Variants in BABAM2 observed in about 807,000 individuals in gnomAD.
BABAM2 encodes the protein BRISC and BRCA1 A complex member 2.
Under a neutral mutation model 54.7 loss-of-function variants are expected in BABAM2, and 31 were observed. The ratio of observed to expected loss-of-function variants is 0.57; its 90% CI spans 0.43 to 0.77. BABAM2 has a LOEUF of 0.77. Among genes scored for constraint, BABAM2 ranks in the 30% least tolerant of loss-of-function variants. BABAM2 has a pLI of 0.00. For synonymous variants in BABAM2, 167 were observed against 162.9 expected (o/e 1.03, Z -0.19); for missense variants, 364 against 455.8 (o/e 0.80, Z 1.83).
At chr2:28,139,651 G>A (rs1670875245) in intron 7 of BABAM2, among the ~76,000 whole-genome samples, 1 of 152,198 alleles carries the variant, frequency 6.6e-6, no homozygotes, top group Non-Finnish European at 1.5e-5. Flanking sequence ...AGGTTATCCA[G>A]TTAGCCATAT....
chr2:28,261,268 A>T (rs1177393980), intron 10 of BABAM2, among the ~76,000 whole-genome samples: 2 of 151,858 alleles, frequency 1.3e-5, no homozygotes, highest in Admixed American at 6.6e-5. Flanking sequence ...CAAATTGCTA[A>T]TTGTTAATAT....
intron 3 of BABAM2, among the ~76,000 whole-genome samples, chr2:27,983,617 C>A (rs1364835642): frequency 6.6e-6 from 1 of 151,892 alleles, no homozygotes; most frequent in Non-Finnish European, 1.5e-5. Context: ...TTTATTTAGG[C>A]CTTTTTTAAT....
At chr2:28,152,395 C>T (rs1303657426) in intron 7 of BABAM2, among the ~76,000 whole-genome samples, 1 of 152,194 alleles carries the variant, frequency 6.6e-6, no homozygotes, top group Non-Finnish European at 1.5e-5. Flanking sequence ...TCAACCCTTT[C>T]CCAGGGAAGA....
intron 4 of BABAM2, among the ~76,000 whole-genome samples, chr2:28,024,338 G>C (rs1277416889): frequency 6.6e-6 from 1 of 151,812 alleles, no homozygotes; most frequent in East Asian, 1.9e-4. Context: ...CCCGGGAGGC[G>C]GAGCTTGCAG....
chr2:27,989,529 A>G (rs1187779957), intron 4 of BABAM2, among the ~76,000 whole-genome samples: 1 of 152,206 alleles, frequency 6.6e-6, no homozygotes, highest in Non-Finnish European at 1.5e-5. Context: ...ATGTAAGTCA[A>G]TATAAGGAAG....
At chr2:28,075,454 G>T (rs1380454580) in intron 6 of BABAM2, among the ~76,000 whole-genome samples, 1 of 152,106 alleles carries the variant, frequency 6.6e-6, no homozygotes, top group East Asian at 1.9e-4. Context: ...GAATATTTGT[G>T]TTTAGGTAAG....
rs141463363 is a variant in BABAM2 at position 27,900,085 on chromosome 2, C to A, written c.128+5401C>A. ...ACAGAGTTAGGGAAAAGAATGGCTT[C>A]TTTTTGGTGTGTCACTTTTGGCATT... On this transcript the variant is annotated intron_variant, in intron 2 of 11. Coordinates refer to ENST00000379624, the MANE Select transcript of BABAM2 (RefSeq NM_199191.3). Among the ~76,000 whole-genome samples, 35 of 152,258 alleles carry A rather than the reference C, an allele frequency of 2.3e-4. No homozygotes were observed. In the East Asian group the frequency reaches 5.0e-3, roughly 22 times the overall value.
At chr2:28,092,575 T>G (rs1413390208) in intron 6 of BABAM2, among the ~76,000 whole-genome samples, 1 of 152,178 alleles carries the variant, frequency 6.6e-6, no homozygotes, top group Non-Finnish European at 1.5e-5. Context: ...TATAGAAGTC[T>G]TAAGACAGAG....
Position 28,322,055 on chromosome 2 carries a change from C to T in BABAM2, c.1089-16395C>T, listed in dbSNP as rs1690065393. ...AATAATAGATCCTTAGGAAGGAAGG[C>T]TGTTCATTCAGTCATTCAACAGAAA... is the stretch of plus-strand genomic sequence containing the variant. On this transcript the variant is annotated intron_variant, in intron 11 of 11. Coordinates refer to ENST00000379624, the MANE Select transcript of BABAM2 (RefSeq NM_199191.3). The surrounding 1 kb of genome is among the most constrained non-coding windows in gnomAD (Gnocchi z 4.1). Among the ~76,000 whole-genome samples, 1 of 152,076 alleles carries T rather than the reference C, an allele frequency of 6.6e-6. No homozygotes were observed. The highest frequency in any genetic ancestry group is 2.1e-4 in the South Asian group (1 of 4,828).
chr2:28,203,760 G>T (rs1005411382), intron 7 of BABAM2, among the ~76,000 whole-genome samples: 1 of 152,134 alleles, frequency 6.6e-6, no homozygotes, highest in African/African-American at 2.4e-5. Flanking sequence ...TGTTGAACCT[G>T]ATTGCCATGT....
At chr2:28,088,159 A>G (rs1259116857) in intron 6 of BABAM2, among the ~76,000 whole-genome samples, 2 of 152,124 alleles carry the variant, frequency 1.3e-5, no homozygotes, top group South Asian at 2.1e-4. Context: ...TTATGGTGAT[A>G]TTTTCCCTCT....
chr2:28,166,737 A>G (rs1357892113), intron 7 of BABAM2, among the ~76,000 whole-genome samples: 2 of 152,154 alleles, frequency 1.3e-5, no homozygotes, highest in Non-Finnish European at 2.9e-5. Flanking sequence ...GATCCCAGTG[A>G]TAAGTAATGC....
At chr2:27,999,990 A>AT (rs1573363389) in intron 4 of BABAM2, among the ~76,000 whole-genome samples, 1 of 152,104 alleles carries the variant, frequency 6.6e-6, no homozygotes, top group Non-Finnish European at 1.5e-5. Flanking sequence ...TAATTTTAGA[A>AT]TTTTTGTTTT....
At chr2:28,183,893 T>G (rs1192197271) in intron 7 of BABAM2, among the ~76,000 whole-genome samples, 1 of 152,182 alleles carries the variant, frequency 6.6e-6, no homozygotes, top group East Asian at 1.9e-4. Flanking sequence ...TCCATAGTTG[T>G]TTTTCGTCTC....
At chr2:28,191,178 A>G (rs189156953) in intron 7 of BABAM2, among the ~76,000 whole-genome samples, 1 of 152,358 alleles carries the variant, frequency 6.6e-6, no homozygotes, top group East Asian at 1.9e-4. Flanking sequence ...GTCATTGGGG[A>G]AATGCAAATT....
At chr2:27,987,720 TG>T (rs957693552) in intron 3 of BABAM2, among the ~76,000 whole-genome samples, 1 of 149,796 alleles carries the variant, frequency 6.7e-6, no homozygotes, top group African/African-American at 2.5e-5. Flanking sequence ...GGGGCTGAGA[TG>T]GGAGAATTGC....
chr2:27,984,908 A>G (rs1173948977), intron 3 of BABAM2, among the ~76,000 whole-genome samples: 1 of 152,082 alleles, frequency 6.6e-6, no homozygotes, highest in Non-Finnish European at 1.5e-5. Flanking sequence ...TGCATCTTCA[A>G]AGCTTAGCTC....
At chr2:28,073,434 G>A (rs543711062) in intron 6 of BABAM2, among the ~76,000 whole-genome samples, 2 of 152,108 alleles carry the variant, frequency 1.3e-5, no homozygotes, top group Non-Finnish European at 2.9e-5. Context: ...AAAATTTAAG[G>A]TTGAAGTAAA....
intron 4 of BABAM2, among the ~76,000 whole-genome samples, chr2:27,998,512 C>T (rs1277854631): frequency 6.6e-6 from 1 of 151,732 alleles, no homozygotes; most frequent in Non-Finnish European, 1.5e-5. Context: ...AGCATTTTTC[C>T]TAAGACATTA....
Sources: gnomAD v4.1 joint callset for allele counts (sites outside exome capture counted in the v4.1 genomes callset) on GRCh38, gnomAD v4.1.1 for gene constraint, Gnocchi (gnomAD v3.1) non-coding constraint, MANE v1.5 for transcripts, NCBI Gene and HGNC (gene_info 2026-07-23, HGNC 2026-07-21) for gene names.